Variants in PITPNM2 observed in about 807,000 individuals in gnomAD.
The protein encoded by PITPNM2 is membrane-associated phosphatidylinositol transfer protein 2.
PITPNM2 carries 35 observed loss-of-function variants against 132.2 expected under a neutral mutation model. That is an observed-to-expected ratio of 0.26 (90% confidence interval 0.20 to 0.35). The LOEUF (loss-of-function observed/expected upper bound fraction) is 0.35, where lower values mean the gene tolerates loss of function less well. Ranked by LOEUF, PITPNM2 falls within the 10% of genes least tolerant of loss-of-function variation. The pLI, the probability that PITPNM2 is intolerant of heterozygous loss-of-function variation, is 1.00. For synonymous variants in PITPNM2, 738 were observed against 799.2 expected (o/e 0.92, Z 1.29); for missense variants, 1,332 against 1,912.0 (o/e 0.70, Z 5.66).
At position 123,058,072 on chromosome 12, in the gene PITPNM2, C is replaced by T. The variant is rs1403025614; in HGVS notation, c.-95-23387G>A. Among the ~76,000 whole-genome samples the T allele has an allele frequency of 1.3e-5, 2 of 152,304 alleles. No homozygotes were observed. The highest frequency in any genetic ancestry group is 2.1e-4 in the South Asian group (1 of 4,822). On this transcript the variant is annotated intron_variant, in intron 2 of 25. Coordinates refer to ENST00000320201, the MANE Select transcript of PITPNM2 (RefSeq NM_020845.3). The surrounding 1 kb of genome is among the most constrained non-coding windows in gnomAD (Gnocchi z 4.0). Reference sequence around the variant, plus strand: ...ACAAACTATGCCTTCATCCCCTGACCTTTTACTCTTCAAAGTACTTACGAA... The same window carrying T: ...ACAAACTATGCCTTCATCCCCTGACTTTTTACTCTTCAAAGTACTTACGAA...
intron 2 of PITPNM2, among the ~76,000 whole-genome samples, chr12:123,096,804 G>A (rs1221552493): frequency 6.6e-6 from 1 of 152,188 alleles, no homozygotes; most frequent in Non-Finnish European, 1.5e-5. Flanking sequence ...CAGGAAGGTG[G>A]CTTGTGGAAG....
At position 123,132,534 on chromosome 12, in the gene PITPNM2, T is replaced by C. The variant is rs1361547451; in HGVS notation, c.-200+18219A>G. ...TCTTTTCTTTCCCTTTTTTTTTTTT[T>C]ACCATTTTGACAATTTATAAGTGTA... On this transcript the variant is annotated intron_variant, in intron 1 of 25. Transcript: ENST00000320201. 2.0e-5 allele frequency among the ~76,000 whole-genome samples: 3 copies of C among 151,282 alleles called. No homozygotes were observed. In the East Asian group the frequency reaches 5.8e-4, roughly 29 times the overall value.
chr12:123,063,713 A>G (rs539120415), intron 2 of PITPNM2, among the ~76,000 whole-genome samples: 1 of 152,278 alleles, frequency 6.6e-6, no homozygotes, highest in African/African-American at 2.4e-5. Context: ...AGCCTAGAGC[A>G]GGGACCCCTG....
At chr12:123,127,912 C>G (rs928303305) in intron 1 of PITPNM2, among the ~76,000 whole-genome samples, 13 of 152,050 alleles carry the variant, frequency 8.5e-5, no homozygotes, top group Admixed American at 3.9e-4. Context: ...CCCAGCCTGC[C>G]TCTTTTTCCT....
At chr12:122,988,091 G>A in intron 20 of PITPNM2, 143 bp downstream of exon 20, 1 of 894,326 alleles carries the variant, frequency 1.1e-6, no homozygotes, top group Non-Finnish European at 1.8e-6. Flanking sequence ...CCCTGTCTGT[G>A]AAGTGGGCTG....
intron 2 of PITPNM2, among the ~76,000 whole-genome samples, chr12:123,037,906 G>A (rs991419072): frequency 2.0e-5 from 3 of 152,212 alleles, no homozygotes; most frequent in African/African-American, 7.2e-5. Flanking sequence ...GTTCCCCCAC[G>A]GACAAGCTGT....
chr12:123,133,088 TATGTC>T (rs2043302525), intron 1 of PITPNM2, among the ~76,000 whole-genome samples: 1 of 152,248 alleles, frequency 6.6e-6, no homozygotes, highest in Non-Finnish European at 1.5e-5. Flanking sequence ...GTGGAACTAC[TATGTC>T]ATATGGGAAT....
intron 2 of PITPNM2, among the ~76,000 whole-genome samples, chr12:123,065,094 C>T (rs752085401): frequency 6.6e-6 from 1 of 152,246 alleles, no homozygotes; most frequent in African/African-American, 2.4e-5. Context: ...CCGCTGGAGG[C>T]CCCTGGACGG....
In PITPNM2 at chr12:123,022,659, A is replaced by T. The variant is rs2039713411; in HGVS notation, c.79-8617T>A. Among the ~76,000 whole-genome samples the T allele has an allele frequency of 6.6e-6, 1 of 152,188 alleles. No homozygotes were observed. Among genetic ancestry groups the T allele is most frequent in the Non-Finnish European group, 1.5e-5 (1 of 68,034 alleles). ...AAGAAACTGAGGCACAGAGTACTGG[A>T]GCCAAGTCTCCCAGGCCATGAGTGA... On this transcript the variant is annotated intron_variant, in intron 3 of 25. Coordinates refer to ENST00000320201, the MANE Select transcript of PITPNM2 (RefSeq NM_020845.3). This position sits in a 1 kb window ranked among gnomAD's most constrained non-coding sequence, Gnocchi z 4.9.
At chr12:123,062,135 T>C (rs903313994) in intron 2 of PITPNM2, among the ~76,000 whole-genome samples, 2 of 152,066 alleles carry the variant, frequency 1.3e-5, no homozygotes, top group Admixed American at 1.3e-4. Context: ...CTGCTTCCCA[T>C]TTCAACAAAT....
chr12:123,114,853 G>A (rs558421589), intron 1 of PITPNM2, among the ~76,000 whole-genome samples: 2 of 152,154 alleles, frequency 1.3e-5, no homozygotes, highest in South Asian at 2.1e-4. Context: ...GATTACTACC[G>A]CTGCTTCACC....
chr12:122,991,839 G>GGA, intron 16 of PITPNM2: 1 of 1,305,676 alleles, frequency 7.7e-7, no homozygotes, highest in Non-Finnish European at 9.7e-7. Flanking sequence ...TCCCCGTGGG[G>GGA]GAGAGGGGCC....
At chr12:123,081,070 T>C (rs1456453482) in intron 2 of PITPNM2, 1 of 152,196 alleles carries the variant, frequency 6.6e-6, no homozygotes, top group Non-Finnish European at 1.5e-5. Flanking sequence ...CCTGAGGAGA[T>C]GACAAGTGTA....
At chr12:123,144,313 T>C (rs1027476148) in intron 1 of PITPNM2, among the ~76,000 whole-genome samples, 3 of 152,210 alleles carry the variant, frequency 2.0e-5, no homozygotes, top group African/African-American at 7.2e-5. Flanking sequence ...GGGTGCAAGA[T>C]GATTATGATG....
At position 123,078,245 on chromosome 12, in the gene PITPNM2, A is replaced by C. The variant is rs895836589; in HGVS notation, c.-96+32140T>G. 7.2e-5 allele frequency among the ~76,000 whole-genome samples: 11 copies of C among 152,216 alleles called. No homozygotes were observed. Among genetic ancestry groups the C allele is most frequent in the Non-Finnish European group, 1.3e-4 (9 of 68,028 alleles). ...CATATGCCAGAGGGAAGGCATCAGC[A>C]GAGAGCCAATCCCACAGTTCTGCTG... On this transcript the variant is annotated intron_variant, in intron 2 of 25. Coordinates refer to ENST00000320201, the MANE Select transcript of PITPNM2 (RefSeq NM_020845.3). This position sits in a 1 kb window ranked among gnomAD's most constrained non-coding sequence, Gnocchi z 7.3.
At position 123,052,063 on chromosome 12, in the gene PITPNM2, C is replaced by T. The variant is rs528937162; in HGVS notation, c.-95-17378G>A. ...GATTACAGGCACATACCACCATGCC[C>T]GGTTAATTTTATTGTTTTTTTTTTT... On this transcript the variant is annotated intron_variant, in intron 2 of 25. Transcript: ENST00000320201. 3.2e-3 allele frequency among the ~76,000 whole-genome samples: 481 copies of T among 149,220 alleles called. 3 individuals carry two copies. Among genetic ancestry groups the T allele is most frequent in the African/African-American group, 0.011 (452 of 40,626 alleles).
At chr12:123,094,818 C>T (rs1042625122) in intron 2 of PITPNM2, among the ~76,000 whole-genome samples, 1 of 152,222 alleles carries the variant, frequency 6.6e-6, no homozygotes, top group Non-Finnish European at 1.5e-5. Flanking sequence ...GACCGACCTC[C>T]TGGCTCTGAC....
chr12:123,115,261 C>G (rs900882252), intron 1 of PITPNM2, among the ~76,000 whole-genome samples: 3 of 152,198 alleles, frequency 2.0e-5, no homozygotes, highest in African/African-American at 7.2e-5. Context: ...AAACACTGTA[C>G]TCTGGAGCTG....
At chr12:123,123,007 A>C (rs2043061867) in intron 1 of PITPNM2, among the ~76,000 whole-genome samples, 1 of 152,254 alleles carries the variant, frequency 6.6e-6, no homozygotes, top group Non-Finnish European at 1.5e-5. Context: ...ACACTCCTTG[A>C]CCCAGCAATT....
Sources: allele counts gnomAD v4.1 joint callset (sites outside exome capture counted in the v4.1 genomes callset), GRCh38; gene constraint gnomAD v4.1.1; non-coding constraint Gnocchi (gnomAD v3.1); transcripts MANE v1.5; gene names NCBI Gene and HGNC (gene_info 2026-07-23, HGNC 2026-07-21).